DTNA: variants seen among roughly 807,000 people sequenced by gnomAD.
The protein encoded by DTNA is dystrobrevin alpha, also known as dystrophin-related protein 3.
DTNA carries 43 observed loss-of-function variants against 100.7 expected under a neutral mutation model. That is an observed-to-expected ratio of 0.43 (90% CI 0.33 to 0.55). The LOEUF (loss-of-function observed/expected upper bound fraction) is 0.55, where lower values mean the gene tolerates loss of function less well. Among genes scored for constraint, DTNA ranks in the 20% least tolerant of loss-of-function variants. The pLI is 0.04. For synonymous variants in DTNA, 349 were observed against 347.9 expected (o/e 1.00, Z -0.04); for missense variants, 798 against 953.9 (o/e 0.84, Z 2.15).
At chr18:34,550,572 T>A (rs1435703609) in intron 1 of DTNA, among the ~76,000 whole-genome samples, 1 of 152,170 alleles carries the variant, frequency 6.6e-6, no homozygotes, top group Non-Finnish European at 1.5e-5. Context: ...AGTCTGAGAA[T>A]TGTCATTTTG....
At chr18:34,503,733 G>GT (rs139710600) in intron 1 of DTNA, among the ~76,000 whole-genome samples, 9,710 of 148,326 alleles carry the variant, frequency 0.065, 430 homozygotes, top group African/African-American at 0.12. Context: ...GGATTTCACT[G>GT]TTTTTTTTTT....
chr18:34,809,456 CA>C (rs2095437929), intron 5 of DTNA, among the ~76,000 whole-genome samples: 1 of 151,982 alleles, frequency 6.6e-6, no homozygotes, highest in Non-Finnish European at 1.5e-5. Context: ...CTCAAAAACA[CA>C]AATCAAAACA....
intron 3 of DTNA, among the ~76,000 whole-genome samples, chr18:34,773,444 T>C (rs531033037): frequency 3.3e-5 from 5 of 152,276 alleles, no homozygotes; most frequent in African/African-American, 1.2e-4. Flanking sequence ...GGATTCTCCC[T>C]AGTCAAGGAG....
intron 13 of DTNA, among the ~76,000 whole-genome samples, chr18:34,842,127 G>A (rs1311506292): frequency 1.3e-5 from 2 of 152,082 alleles, no homozygotes; most frequent in East Asian, 1.9e-4. Context: ...TCCTGGGCTT[G>A]CTAGTTTATA....
chr18:34,796,600 A>G (rs1455858309), intron 4 of DTNA, among the ~76,000 whole-genome samples: 1 of 152,226 alleles, frequency 6.6e-6, no homozygotes, highest in Non-Finnish European at 1.5e-5. Context: ...TTTTAAATGG[A>G]CATATAAATA....
At chr18:34,589,560 G>T (rs559282841) in intron 1 of DTNA, among the ~76,000 whole-genome samples, 1 of 152,224 alleles carries the variant, frequency 6.6e-6, no homozygotes, top group East Asian at 1.9e-4. Flanking sequence ...AGTGAGCCGA[G>T]ATTGTGCCAC....
intron 1 of DTNA, among the ~76,000 whole-genome samples, chr18:34,608,947 A>G (rs992164579): frequency 1.3e-5 from 2 of 152,184 alleles, no homozygotes; most frequent in Non-Finnish European, 2.9e-5. Context: ...CTGCCCCCTC[A>G]TACACATGTA....
At chr18:34,776,446 T>G (rs1446791423) in intron 3 of DTNA, among the ~76,000 whole-genome samples, 2 of 152,124 alleles carry the variant, frequency 1.3e-5, no homozygotes, top group African/African-American at 4.8e-5. Context: ...CTGCATCAGC[T>G]TGATTCACCT....
chr18:34,747,002 T>C (rs1436097643), intron 1 of DTNA, among the ~76,000 whole-genome samples: 2 of 152,176 alleles, frequency 1.3e-5, no homozygotes, highest in African/African-American at 4.8e-5. Context: ...CTAAGAGTAG[T>C]TCTTTAGAGA....
chr18:34,789,112 T>C (rs2094610404), intron 3 of DTNA, among the ~76,000 whole-genome samples: 1 of 152,216 alleles, frequency 6.6e-6, no homozygotes, highest in Non-Finnish European at 1.5e-5. Context: ...GAGCCAGGAA[T>C]GAAACCTTAA....
intron 1 of DTNA, among the ~76,000 whole-genome samples, chr18:34,504,311 A>T (rs189545372): frequency 6.6e-6 from 1 of 152,258 alleles, no homozygotes; most frequent in East Asian, 1.9e-4. Flanking sequence ...TTATAATATG[A>T]TTGTCTTAAA....
chr18:34,584,789 A>G (rs943315076), intron 1 of DTNA, among the ~76,000 whole-genome samples: 14 of 152,308 alleles, frequency 9.2e-5, no homozygotes, highest in Admixed American at 5.2e-4. Context: ...TAAAGAAGAA[A>G]TCATAAGTGT....
intron 1 of DTNA, among the ~76,000 whole-genome samples, chr18:34,516,041 A>T (rs1401220866): frequency 6.6e-6 from 1 of 152,140 alleles, no homozygotes; most frequent in African/African-American, 2.4e-5. Flanking sequence ...TTGAAATTTT[A>T]ACTAATACAG....
At chr18:34,507,651 A>G (rs2040620639) in intron 1 of DTNA, among the ~76,000 whole-genome samples, 3 of 152,170 alleles carry the variant, frequency 2.0e-5, no homozygotes, top group African/African-American at 7.2e-5. Flanking sequence ...CAACCTTGAA[A>G]TTCTCACTCT....
intron 1 of DTNA, among the ~76,000 whole-genome samples, chr18:34,609,354 C>T (rs1359301511): frequency 5.3e-5 from 8 of 151,064 alleles, no homozygotes; most frequent in African/African-American, 1.7e-4. Flanking sequence ...AAGCGATTCT[C>T]CTGCCTCAGC....
Position 34,884,757 on chromosome 18 carries a change from T to G in DTNA, c.*12T>G. The G allele has an allele frequency of 6.2e-7, 1 of 1,614,072 alleles. No homozygotes were observed. Among genetic ancestry groups the G allele is most frequent in the African/African-American group, 1.3e-5 (1 of 75,034 alleles). On this transcript the variant is annotated 3_prime_UTR_variant, in exon 22 of 23. Coordinates refer to ENST00000444659, the MANE Select transcript of DTNA (RefSeq NM_001386795.1). ...GCTTGCAAGGTTGAATGCAATATCC[T>G]TTTATCACACTCCTCTCAAGTAAGT...
At chr18:34,573,161 C>CTA (rs1484162113) in intron 1 of DTNA, among the ~76,000 whole-genome samples, 1 of 152,166 alleles carries the variant, frequency 6.6e-6, no homozygotes. Flanking sequence ...TGTTTAGCTT[C>CTA]TATATTTCTG....
At chr18:34,728,628 C>T (rs573550304) in intron 1 of DTNA, among the ~76,000 whole-genome samples, 1 of 152,250 alleles carries the variant, frequency 6.6e-6, no homozygotes, top group East Asian at 1.9e-4. Flanking sequence ...GTACAGTTGG[C>T]TGCAGACTCA....
chr18:34,866,209 C>T (rs928014586), intron 17 of DTNA: 5 of 1,613,808 alleles, frequency 3.1e-6, no homozygotes, highest in Middle Eastern at 1.7e-4. Context: ...ATTGCTTTTG[C>T]TCTAATGTAT....
Sources: gnomAD v4.1 joint callset for allele counts (sites outside exome capture counted in the v4.1 genomes callset) on GRCh38, gnomAD v4.1.1 for gene constraint, MANE v1.5 for transcripts, NCBI Gene and HGNC (gene_info 2026-07-23, HGNC 2026-07-21) for gene names.